The following IMMP1L variants were observed in gnomAD, a reference collection of about 807,000 sequenced individuals.
IMMP1L encodes the protein inner mitochondrial membrane peptidase subunit 1, also known as mitochondrial inner membrane protease subunit 1.
IMMP1L carries 24 observed loss-of-function variants against 21.8 expected under a neutral mutation model. The ratio of observed to expected loss-of-function variants is 1.10; its 90% CI spans 0.80 to 1.55. The LOEUF (loss-of-function observed/expected upper bound fraction) is 1.55. Ranked by LOEUF, IMMP1L falls within the 40% of genes most tolerant of loss-of-function variation. The pLI is 0.00. For missense variants in IMMP1L, 195 were observed against 200.7 expected, an observed-to-expected ratio of 0.97 and a Z score of 0.17; for synonymous variants, 46 against 62.8, an observed-to-expected ratio of 0.73 and a Z score of 1.26.
chr11:31,486,054 T>TC (rs886138747), intron 1 of IMMP1L, among the ~76,000 whole-genome samples: 1 of 151,034 alleles, frequency 6.6e-6, no homozygotes, highest in Non-Finnish European at 1.5e-5. Flanking sequence ...AACTTTTTTT[T>TC]CCCTTTTTTT....
intron 1 of IMMP1L, chr11:31,473,694 A>T (rs1954641115): frequency 1.1e-6 from 1 of 945,358 alleles, no homozygotes; most frequent in Admixed American, 6.2e-5. Context: ...TAAGATTCTA[A>T]TTTGGATCCA....
Position 31,460,715 on chromosome 11 carries a change from CT to C in IMMP1L, c.106-2del. 6.4e-7 allele frequency: 1 copy of C among 1,568,056 alleles called. No individual in the cohort carries two copies. The highest frequency in any genetic ancestry group is 8.7e-7 in the Non-Finnish European group (1 of 1,143,456). ...TAGGCTCCATTGATGGTCCAGAACA[CT>C]GAAAAGAGAGGTAATTTGTAATCTA... On this transcript the variant is annotated splice_acceptor_variant, in intron 2 of 5. Transcript: ENST00000532287. LOFTEE classifies it high-confidence loss of function.
chr11:31,497,857 T>C (rs1955504928), intron 1 of IMMP1L, among the ~76,000 whole-genome samples: 2 of 152,212 alleles, frequency 1.3e-5, no homozygotes, highest in African/African-American at 4.8e-5. Context: ...TTAAAAATGA[T>C]GAAAGTAGTG....
chr11:31,503,571 A>C (rs1955693058), intron 1 of IMMP1L, among the ~76,000 whole-genome samples: 1 of 152,212 alleles, frequency 6.6e-6, no homozygotes, highest in East Asian at 1.9e-4. Flanking sequence ...TATCAGCAAT[A>C]AATAAAAGAA....
intron 1 of IMMP1L, among the ~76,000 whole-genome samples, chr11:31,495,647 A>C (rs554442259): frequency 9.8e-5 from 15 of 152,326 alleles, no homozygotes; most frequent in Non-Finnish European, 1.9e-4. Context: ...AGTAAGCAAA[A>C]ACGTGGTACT....
At position 31,456,260 on chromosome 11, in the gene IMMP1L, A is replaced by C. The variant is rs200626059; in HGVS notation, c.321T>G (p.Tyr107Ter). 5 of 1,585,358 alleles carry C rather than the reference A, an allele frequency of 3.2e-6. No individual in the cohort carries two copies. Among genetic ancestry groups the C allele is most frequent in the African/African-American group, 2.7e-5 (2 of 74,420 alleles). The change falls in exon 4 of 6, where the codon TAT (tyrosine) becomes TAG (stop). Residue 107 changes from tyrosine to a stop codon, truncating the protein, a stop_gained and splice_region_variant. Transcript: ENST00000532287. LOFTEE classifies it high-confidence loss of function. Reference sequence around the variant, plus strand: ...ATAACATAATTGAAATGTTACTTACATAACTATGGCTTTTAAAGAAATCTG... The same window carrying C: ...ATAACATAATTGAAATGTTACTTACCTAACTATGGCTTTTAAAGAAATCTG... ...SPSDFFKSHS[Y>*]VPMGHVWLEG...
intron 1 of IMMP1L, among the ~76,000 whole-genome samples, chr11:31,509,015 T>C (rs534680244): frequency 6.6e-6 from 1 of 152,186 alleles, no homozygotes; most frequent in African/African-American, 2.4e-5. Flanking sequence ...GACAATTAAA[T>C]GTGTGAACAA....
At chr11:31,445,320 A>T (rs1953476791) in intron 4 of IMMP1L, among the ~76,000 whole-genome samples, 1 of 152,190 alleles carries the variant, frequency 6.6e-6, no homozygotes, top group South Asian at 2.1e-4. Context: ...ACTCCACTTA[A>T]TTCTTTCCCA....
At chr11:31,488,656 G>T (rs188970576) in intron 1 of IMMP1L, among the ~76,000 whole-genome samples, 1 of 151,942 alleles carries the variant, frequency 6.6e-6, no homozygotes, top group Non-Finnish European at 1.5e-5. Flanking sequence ...ATAAAAAAGC[G>T]GTAGAAAAGC....
chr11:31,453,730 G>GTT lies in IMMP1L; in HGVS notation c.321+2529_321+2530insAA, dbSNP rs1953841068. On this transcript the variant is annotated intron_variant, in intron 4 of 5. Transcript: ENST00000532287. ...AACCCAGCATAGAAAAACTGGCAAGGGAGAAACCCTCAAAAACACTGGCTT... is the reference window on the plus strand; with the variant it reads ...AACCCAGCATAGAAAAACTGGCAAGGTTGAGAAACCCTCAAAAACACTGGCTT... 2.6e-5 allele frequency among the ~76,000 whole-genome samples: 4 copies of GTT among 152,242 alleles called. No individual in the cohort carries two copies. The South Asian group carries it at 8.3e-4, about 32-fold the overall frequency.
intron 2 of IMMP1L, among the ~76,000 whole-genome samples, chr11:31,462,423 T>C (rs988292775): frequency 6.9e-6 from 1 of 144,534 alleles, no homozygotes; most frequent in African/African-American, 2.5e-5. Context: ...AAACCTAATT[T>C]AAAAAAAAAA....
chr11:31,506,599 C>T (rs1220804575), intron 1 of IMMP1L, among the ~76,000 whole-genome samples: 1 of 150,520 alleles, frequency 6.6e-6, no homozygotes, highest in Non-Finnish European at 1.5e-5. Flanking sequence ...TTCAACTCTG[C>T]TACTTGCTGG....
intron 4 of IMMP1L, among the ~76,000 whole-genome samples, chr11:31,450,255 A>G (rs555638815): frequency 1.2e-4 from 18 of 152,240 alleles, no homozygotes; most frequent in African/African-American, 3.9e-4. Context: ...TTACCACACA[A>G]CCTCATTAGT....
At chr11:31,474,988 G>T (rs1954680276) in intron 1 of IMMP1L, among the ~76,000 whole-genome samples, 1 of 152,018 alleles carries the variant, frequency 6.6e-6, no homozygotes, top group Non-Finnish European at 1.5e-5. Context: ...AAAGGACTTT[G>T]TCCTGTCCTT....
Position 31,452,065 on chromosome 11 carries a change from C to G in IMMP1L, c.321+4195G>C, listed in dbSNP as rs533758093. The G allele has an allele frequency of 9.7e-4, 187 of 192,540 alleles. 1 individual carries two copies. The highest frequency in any genetic ancestry group is 1.4e-3 in the Non-Finnish European group (145 of 104,936). 11.9% of individuals were successfully genotyped at this position (192,540 alleles called of 1,614,324 possible). A position where few individuals can be genotyped will look rare whatever the true frequency, so the allele number is the denominator to read the frequency against. The stretch of plus-strand genomic sequence containing the variant: ...CAAGAGAAGTCATTAGCGACTTTGA[C>G]AAGAACCATCAGTGAAGTGGTGGAG... On this transcript the variant is annotated intron_variant, in intron 4 of 5. Coordinates refer to ENST00000532287, the MANE Select transcript of IMMP1L (RefSeq NM_001304274.2).
At chr11:31,508,450 G>A (rs1955862802) in intron 1 of IMMP1L, among the ~76,000 whole-genome samples, 3 of 152,122 alleles carry the variant, frequency 2.0e-5, no homozygotes, top group African/African-American at 7.2e-5. Flanking sequence ...AAGCAACCTT[G>A]ATCAAAGCTT....
intron 4 of IMMP1L, among the ~76,000 whole-genome samples, chr11:31,455,891 T>C (rs535628861): frequency 6.6e-6 from 1 of 152,276 alleles, no homozygotes; most frequent in African/African-American, 2.4e-5. Context: ...TGAAGATAAC[T>C]CAGTTAAAGT....
Position 31,460,730 on chromosome 11 carries a change from A to G in IMMP1L, c.106-16T>C. ...GTCCAGAACACTGAAAAGAGAGGTAATTTGTAATCTAAATTCAAAATCTCT... is the reference window on the plus strand; with the variant it reads ...GTCCAGAACACTGAAAAGAGAGGTAGTTTGTAATCTAAATTCAAAATCTCT... On this transcript the variant is annotated splice_polypyrimidine_tract_variant and intron_variant, in intron 2 of 5. Coordinates refer to ENST00000532287, the MANE Select transcript of IMMP1L (RefSeq NM_001304274.2). The G allele has an allele frequency of 2.8e-6, 4 of 1,444,790 alleles. No individual in the cohort carries two copies. In the South Asian group the frequency reaches 4.8e-5, roughly 17 times the overall value. The allele number at this position is 1,444,790 out of a possible 1,614,324, so 89.5% of individuals were successfully genotyped here.
intron 1 of IMMP1L, among the ~76,000 whole-genome samples, chr11:31,469,230 A>G (rs1238274138): frequency 6.6e-6 from 1 of 152,208 alleles, no homozygotes; most frequent in African/African-American, 2.4e-5. Flanking sequence ...ATCAAAGCAC[A>G]TTATAAAATA....
Sources: allele counts gnomAD v4.1 joint callset (sites outside exome capture counted in the v4.1 genomes callset), GRCh38; gene constraint gnomAD v4.1.1; transcripts MANE v1.5; gene names NCBI Gene and HGNC (gene_info 2026-07-23, HGNC 2026-07-21).